Variants in UTRN observed in about 807,000 individuals in gnomAD.
The protein encoded by UTRN is dystrophin-related protein 1.
In UTRN, 283 loss-of-function variants were observed where a neutral mutation model predicts 463.9. The observed-to-expected ratio is 0.61, with a 90% confidence interval of 0.55 to 0.67. The LOEUF is 0.67. UTRN is among the 30% of genes least tolerant of loss of function. The probability of loss-of-function intolerance (pLI) is 0.00; values close to 1 mark genes in which losing one functional copy is unlikely to be tolerated. For missense variants in UTRN, 3,922 were observed against 4,084.3 expected (o/e 0.96, Z 1.08); for synonymous variants, 1,442 against 1,431.5 (o/e 1.01, Z -0.17).
chr6:144,521,581 T>A (rs1441663166), intron 39 of UTRN, among the ~76,000 whole-genome samples: 1 of 152,170 alleles, frequency 6.6e-6, no homozygotes, highest in African/African-American at 2.4e-5. Context: ...AATTTTAAAA[T>A]TGTGATATTT....
chr6:144,422,483 G>A (rs747045038), intron 4 of UTRN, among the ~76,000 whole-genome samples: 15 of 152,102 alleles, frequency 9.9e-5, no homozygotes, highest in Non-Finnish European at 2.1e-4. Context: ...TGGGTGTGGC[G>A]GCATGTGCCT....
chr6:144,406,458 C>A (rs1783425997), intron 3 of UTRN, among the ~76,000 whole-genome samples: 1 of 151,548 alleles, frequency 6.6e-6, no homozygotes, highest in Non-Finnish European at 1.5e-5. Context: ...CCTCTGCCTC[C>A]CAGGTTGCAG....
chr6:144,672,207 T>G (rs1781118444), intron 51 of UTRN, among the ~76,000 whole-genome samples: 1 of 151,988 alleles, frequency 6.6e-6, no homozygotes, highest in Admixed American at 6.6e-5. Context: ...TTTCTCTGTC[T>G]TGTGGAATAG....
At chr6:144,810,406 G>A (rs773382786) in intron 65 of UTRN, among the ~76,000 whole-genome samples, 4 of 152,114 alleles carry the variant, frequency 2.6e-5, no homozygotes, top group African/African-American at 4.8e-5. Context: ...TGGGAGCTTC[G>A]GGATTGATTC....
intron 44 of UTRN, among the ~76,000 whole-genome samples, chr6:144,538,246 CATAT>C (rs1225790337): frequency 6.6e-6 from 1 of 152,016 alleles, no homozygotes; most frequent in East Asian, 1.9e-4. Flanking sequence ...AAAATTCATA[CATAT>C]ATAGATGTAT....
At chr6:144,430,298 A>G (rs1785683591) in intron 9 of UTRN, among the ~76,000 whole-genome samples, 1 of 152,202 alleles carries the variant, frequency 6.6e-6, no homozygotes, top group African/African-American at 2.4e-5. Flanking sequence ...GAATTTTTAA[A>G]GAGAGAAATA....
intron 66 of UTRN, among the ~76,000 whole-genome samples, chr6:144,823,267 T>C (rs752611285): frequency 1.3e-5 from 2 of 152,142 alleles, no homozygotes; most frequent in Non-Finnish European, 2.9e-5. Flanking sequence ...CTACTAGATA[T>C]AGTGGGCAGG....
rs1310564751 is a variant in UTRN, at chr6:144,499,387, G to A, written c.4724G>A (p.Gly1575Asp). 1 of 1,611,300 alleles carries A rather than the reference G, an allele frequency of 6.2e-7. No individual in the cohort carries two copies. The highest frequency in any genetic ancestry group is 8.5e-7 in the Non-Finnish European group (1 of 1,178,060). The part of the protein sequence containing the change: ...TELVQKSTSE[G>D]LLGDLDTEIS... ...TTGGTACAGAAGTCCACTTCAGAAG[G>A]TCTGCTTGGTGACTTGGATACAGAA... The change falls in exon 34 of 75, where the codon GGT (glycine) becomes GAT (aspartate). Residue 1575 changes from glycine to aspartate, a missense_variant. Gly to Asp is a moderately conservative substitution (Grantham distance 94, BLOSUM62 -1). This residue lies in a region of UTRN where 2,349 missense variants were observed against 2,303.8 expected (regional missense o/e 1.02). Transcript: ENST00000367545.
intron 2 of UTRN, among the ~76,000 whole-genome samples, chr6:144,323,521 C>A (rs188143134): frequency 6.6e-6 from 1 of 152,262 alleles, no homozygotes; most frequent in East Asian, 1.9e-4. Context: ...CCATGAAGCA[C>A]AACATTAATA....
intron 53 of UTRN, among the ~76,000 whole-genome samples, chr6:144,700,726 C>T (rs1348688138): frequency 6.6e-6 from 1 of 150,764 alleles, no homozygotes; most frequent in Non-Finnish European, 1.5e-5. Context: ...TGCCATCACA[C>T]CCAACTAACT....
At chr6:144,567,947 A>C (rs1413172149) in intron 50 of UTRN, among the ~76,000 whole-genome samples, 1 of 152,186 alleles carries the variant, frequency 6.6e-6, no homozygotes, top group East Asian at 1.9e-4. Flanking sequence ...TAAAATATCA[A>C]GTATTATTTA....
At chr6:144,365,187 A>G (rs1015544358) in intron 2 of UTRN, among the ~76,000 whole-genome samples, 2 of 152,220 alleles carry the variant, frequency 1.3e-5, no homozygotes, top group Non-Finnish European at 2.9e-5. Context: ...AGAGTGGTGG[A>G]TAATTCTCCA....
chr6:144,587,723 C>T (rs1350952500), intron 51 of UTRN, among the ~76,000 whole-genome samples: 1 of 152,010 alleles, frequency 6.6e-6, no homozygotes, highest in East Asian at 1.9e-4. Flanking sequence ...TGAAGTGATC[C>T]AGGGCAATGG....
At chr6:144,489,725 A>G (rs1792861169) in intron 30 of UTRN, among the ~76,000 whole-genome samples, 2 of 151,640 alleles carry the variant, frequency 1.3e-5, no homozygotes. Context: ...AGGTTCAAGC[A>G]ATTCTCCTGC....
At chr6:144,843,679 A>G (rs1395327622) in intron 73 of UTRN, among the ~76,000 whole-genome samples, 1 of 152,202 alleles carries the variant, frequency 6.6e-6, no homozygotes. Flanking sequence ...CTCTTCACCA[A>G]TGTCATTCTC....
intron 50 of UTRN, among the ~76,000 whole-genome samples, chr6:144,572,652 GTTT>G: frequency 6.6e-6 from 1 of 152,070 alleles, no homozygotes; most frequent in Non-Finnish European, 1.5e-5. Flanking sequence ...GCAGTGTTTG[GTTT>G]TATGTTCCTG....
intron 46 of UTRN, among the ~76,000 whole-genome samples, chr6:144,548,012 A>G (rs1459622189): frequency 6.6e-6 from 1 of 152,192 alleles, no homozygotes; most frequent in African/African-American, 2.4e-5. Flanking sequence ...ATCAAAACCA[A>G]TCAATTTGGC....
chr6:144,322,957 A>G (rs1242962966), intron 2 of UTRN, among the ~76,000 whole-genome samples: 8 of 152,010 alleles, frequency 5.3e-5, no homozygotes, highest in Admixed American at 5.2e-4. Flanking sequence ...AAAAAAAAAA[A>G]AATGGATTTC....
intron 16 of UTRN, 49 bp downstream of exon 16, chr6:144,447,830 A>T: frequency 1.3e-6 from 2 of 1,523,426 alleles, no homozygotes; most frequent in Non-Finnish European, 1.8e-6. Flanking sequence ...AAACATTTAA[A>T]ATTTAAATGT....
Sources: gnomAD v4.1 joint callset for allele counts (sites outside exome capture counted in the v4.1 genomes callset) on GRCh38, gnomAD v4.1.1 for gene constraint, gnomAD v4.1.1 regional missense constraint, MANE v1.5 for transcripts, NCBI Gene and HGNC (gene_info 2026-07-23, HGNC 2026-07-21) for gene names.